The following MTA3 variants were observed in gnomAD, a reference collection of about 807,000 sequenced individuals.
MTA3 encodes metastasis associated 1 family member 3, also known as metastasis-associated protein MTA3.
A neutral mutation model predicts 83.5 loss-of-function variants in MTA3; 34 were observed. That is an observed-to-expected ratio of 0.41 (90% confidence interval 0.31 to 0.54). MTA3 has a LOEUF of 0.54. Ranked by LOEUF, MTA3 falls within the 20% of genes least tolerant of loss-of-function variation. The pLI, the probability that MTA3 is intolerant of heterozygous loss-of-function variation, is 0.33. For synonymous variants in MTA3, 303 were observed against 252.7 expected, an observed-to-expected ratio of 1.20 and a Z score of -1.89; for missense variants, 761 against 726.4, an observed-to-expected ratio of 1.05 and a Z score of -0.55.
chr2:42,715,134 G>A (rs1057111492), intron 14 of MTA3, among the ~76,000 whole-genome samples: 1 of 152,206 alleles, frequency 6.6e-6, no homozygotes, highest in African/African-American at 2.4e-5. Flanking sequence ...ATATCTCCCT[G>A]TTGAAGTGGA....
intron 2 of MTA3, among the ~76,000 whole-genome samples, chr2:42,563,395 C>T (rs1300254697): frequency 6.6e-6 from 1 of 152,150 alleles, no homozygotes; most frequent in East Asian, 1.9e-4. Flanking sequence ...TCTCAAACTA[C>T]TGACTTCAGG....
chr2:42,600,329 A>G (rs1682406893), intron 3 of MTA3, among the ~76,000 whole-genome samples: 2 of 152,162 alleles, frequency 1.3e-5, no homozygotes, highest in Admixed American at 6.5e-5. Flanking sequence ...GAAATGTACT[A>G]TAGCAGATGG....
At chr2:42,586,518 A>C (rs1450456953) in intron 3 of MTA3, among the ~76,000 whole-genome samples, 1 of 145,286 alleles carries the variant, frequency 6.9e-6, no homozygotes. Flanking sequence ...ACACACAAAC[A>C]CACAAAGGAA....
Position 42,643,061 on chromosome 2 carries a change from G to GT in MTA3, c.382-1059dup, listed in dbSNP as rs953173034. On this transcript the variant is annotated intron_variant, in intron 5 of 16. Coordinates refer to ENST00000405094, the MANE Select transcript of MTA3 (RefSeq NM_001330442.2). Reference sequence around the variant, plus strand: ...CCCCCCCCCCCTTTTTTTTTTAACAGTTTTTTTGTTTAAACTTTTTTCCTG... The same window carrying GT: ...CCCCCCCCCCCTTTTTTTTTTAACAGTTTTTTTTGTTTAAACTTTTTTCCTG... 1.0e-4 allele frequency among the ~76,000 whole-genome samples: 10 copies of GT among 98,234 alleles called. 1 individual carries two copies. Among genetic ancestry groups the GT allele is most frequent in the African/African-American group, 3.4e-4 (9 of 26,744 alleles). 64.4% of individuals were successfully genotyped at this position (98,234 alleles called of 152,430 possible).
intron 9 of MTA3, among the ~76,000 whole-genome samples, chr2:42,693,202 G>C (rs1693072868): frequency 6.6e-6 from 1 of 152,094 alleles, no homozygotes; most frequent in African/African-American, 2.4e-5. Context: ...ACCACCACTG[G>C]GGCTGTGCTG....
chr2:42,697,782 C>A lies in MTA3; in HGVS notation c.973C>A (p.Leu325Ile). 1.3e-6 allele frequency: 2 copies of A among 1,540,974 alleles called. No homozygotes were observed. The highest frequency in any genetic ancestry group is 1.3e-5 in the South Asian group (1 of 77,630). ...TATTCATCTTTTGAATTAGAAACGTCTAAAAGCAGCAGAAGCTGAGAGTAA... is the reference window on the plus strand; with the variant it reads ...TATTCATCTTTTGAATTAGAAACGTATAAAAGCAGCAGAAGCTGAGAGTAA... The part of the protein sequence containing the change: ...TTDRYVQQKR[L>I]KAAEAESKLK... The change falls in exon 11 of 17, where the codon CTA (leucine) becomes ATA (isoleucine). Residue 325 changes from leucine to isoleucine, a missense_variant. Coordinates refer to ENST00000405094, the MANE Select transcript of MTA3 (RefSeq NM_001330442.2).
chr2:42,687,618 T>C (rs986090750), intron 9 of MTA3, among the ~76,000 whole-genome samples: 1 of 152,232 alleles, frequency 6.6e-6, no homozygotes, highest in Non-Finnish European at 1.5e-5. Flanking sequence ...TGTTTAACTT[T>C]ATAAGAAACT....
In MTA3 at chr2:42,682,575, A is replaced by C; in HGVS notation, c.877A>C (p.Ile293Leu). Residue 293 changes from isoleucine to leucine, a missense_variant, in exon 9 of 17, where the codon ATA becomes CTA. By Grantham distance (5) the Ile-to-Leu change is conservative. Transcript: ENST00000405094. Reference sequence around the variant, plus strand: ...AAAATATGGCAAAGACTTCAATGACATACGGCAAGATTTTGTAAGTAGAAA... The same window carrying C: ...AAAATATGGCAAAGACTTCAATGACCTACGGCAAGATTTTGTAAGTAGAAA... ...LEKYGKDFND[I>L]RQDFLPWKSL... The C allele has an allele frequency of 6.2e-7, 1 of 1,610,472 alleles. No homozygotes were observed. The highest frequency in any genetic ancestry group is 8.5e-7 in the Non-Finnish European group (1 of 1,178,354).
chr2:42,593,351 AAAAC>A lies in MTA3; in HGVS notation c.190+14155_190+14158del, dbSNP rs1681274893. Among the ~76,000 whole-genome samples, 8 of 144,274 alleles carry A rather than the reference AAAAC, an allele frequency of 5.5e-5. No homozygotes were observed. The South Asian group carries it at 1.3e-3, about 24-fold the overall frequency. 94.6% of individuals were successfully genotyped at this position (144,274 alleles called of 152,430 possible). Reference sequence around the variant, plus strand: ...GGGTGACAGAGCGAGACTCTGTGTCAAAACAAAAAAAAGTATAGTATAATAAATA... The same window carrying A: ...GGGTGACAGAGCGAGACTCTGTGTCAAAAAAAAAGTATAGTATAATAAATA... On this transcript the variant is annotated intron_variant, in intron 3 of 16. Transcript: ENST00000405094.
In MTA3 at chr2:42,594,723, TATA is replaced by T. The variant is rs1192477327; in HGVS notation, c.191-14734_191-14732del. Among the ~76,000 whole-genome samples, 139 of 42,096 alleles carry T rather than the reference TATA, an allele frequency of 3.3e-3. 3 individuals carry two copies. Among genetic ancestry groups the T allele is most frequent in the African/African-American group, 0.017 (105 of 6,050 alleles). The allele number at this position is 42,096 out of a possible 152,430, so 27.6% of individuals were successfully genotyped here. The stretch of plus-strand genomic sequence containing the variant: ...AAATATACATATATATATATATATA[TATA>T]TATTTTTTTTTTTTTTTTGAGACAG... On this transcript the variant is annotated intron_variant, in intron 3 of 16. Transcript: ENST00000405094.
intron 2 of MTA3, among the ~76,000 whole-genome samples, chr2:42,502,790 T>C: frequency 6.0e-5 from 2 of 33,462 alleles, no homozygotes; most frequent in Non-Finnish European, 5.5e-5. Flanking sequence ...AGAACAAAAC[T>C]CTGTCTCAAA....
At chr2:42,635,581 A>T (rs1252974199) in intron 4 of MTA3, among the ~76,000 whole-genome samples, 1 of 152,054 alleles carries the variant, frequency 6.6e-6, no homozygotes, top group Non-Finnish European at 1.5e-5. Flanking sequence ...TAAGGATAAG[A>T]TCACACCACT....
chr2:42,696,381 T>G (rs138454993), intron 10 of MTA3, among the ~76,000 whole-genome samples: 21 of 152,360 alleles, frequency 1.4e-4, no homozygotes, highest in African/African-American at 5.0e-4. Context: ...TCAAATATCC[T>G]AAATTCAGGT....
intron 8 of MTA3, among the ~76,000 whole-genome samples, chr2:42,670,679 T>C (rs1690710661): frequency 6.6e-6 from 1 of 151,920 alleles, no homozygotes; most frequent in Non-Finnish European, 1.5e-5. Flanking sequence ...TGCTTTCTAG[T>C]CTGATCTGCT....
rs1330446763 is a variant in MTA3 at position 42,609,595 on chromosome 2, T to C, written c.317+11T>C. The C allele has an allele frequency of 9.9e-6, 16 of 1,612,430 alleles. No individual in the cohort carries two copies. Among genetic ancestry groups the C allele is most frequent in the Non-Finnish European group, 1.4e-5 (16 of 1,179,128 alleles). On this transcript the variant is annotated intron_variant, in intron 4 of 16. Transcript: ENST00000405094. ...CGCAACACATATCAGGTAAGAACTT[T>C]TTAGGAACTAAGGTACTCAGTACTA...
chr2:42,633,500 G>A (rs890375371), intron 4 of MTA3, among the ~76,000 whole-genome samples: 1 of 152,104 alleles, frequency 6.6e-6, no homozygotes, highest in Non-Finnish European at 1.5e-5. Flanking sequence ...GATCACTTGA[G>A]CCTAGGAGGT....
At chr2:42,548,810 A>ATATAT (rs1553340662) in intron 2 of MTA3, among the ~76,000 whole-genome samples, 1 of 66,492 alleles carries the variant, frequency 1.5e-5, no homozygotes, top group African/African-American at 7.6e-5. Flanking sequence ...CTCAAAAAAA[A>ATATAT]ATATATATAT....
At chr2:42,723,355 T>C (rs1667566451) in intron 16 of MTA3, 1 of 246,070 alleles carries the variant, frequency 4.1e-6, no homozygotes, top group Non-Finnish European at 7.9e-6. Flanking sequence ...TTAAGTTTTC[T>C]TGAGCAGAAG....
intron 2 of MTA3, among the ~76,000 whole-genome samples, chr2:42,519,201 A>T (rs1049177014): frequency 6.6e-6 from 1 of 152,104 alleles, no homozygotes; most frequent in African/African-American, 2.4e-5. Context: ...CTTCCCCCTA[A>T]AATCTCACAA....
Sources: gnomAD v4.1 joint callset for allele counts (sites outside exome capture counted in the v4.1 genomes callset) on GRCh38, gnomAD v4.1.1 for gene constraint, MANE v1.5 for transcripts, NCBI Gene and HGNC (gene_info 2026-07-23, HGNC 2026-07-21) for gene names.